Variants in NLRP11 observed in about 807,000 individuals in gnomAD.
NLRP11 encodes NACHT, LRR and PYD domains-containing protein 11.
A neutral mutation model predicts 79.3 loss-of-function variants in NLRP11; 53 were observed. That is an observed-to-expected ratio of 0.67 (90% CI 0.54 to 0.84). The LOEUF (loss-of-function observed/expected upper bound fraction) is 0.84, where lower values mean the gene tolerates loss of function less well. Among genes scored for constraint, NLRP11 ranks in the 40% least tolerant of loss-of-function variants. The pLI is 0.00. For synonymous variants in NLRP11, 518 were observed against 462.6 expected, an observed-to-expected ratio of 1.12 and a Z score of -1.54; for missense variants, 1,264 against 1,255.0, an observed-to-expected ratio of 1.01 and a Z score of -0.11.
intron 4 of NLRP11, among the ~76,000 whole-genome samples, chr19:55,807,435 T>C (rs1980106324): frequency 6.6e-6 from 1 of 152,158 alleles, no homozygotes; most frequent in Admixed American, 6.5e-5. Flanking sequence ...ACCCACTTGT[T>C]ACTATTTCTT....
intron 1 of NLRP11, among the ~76,000 whole-genome samples, chr19:55,822,873 CA>C (rs1268126349): frequency 6.6e-6 from 1 of 152,204 alleles, no homozygotes; most frequent in Non-Finnish European, 1.5e-5. Context: ...ATTAGGTAAA[CA>C]AAGCAGCCAG....
At chr19:55,801,761 G>A in intron 4 of NLRP11, 22 bp from the exon 5 acceptor site, 2 of 1,609,954 alleles carry the variant, frequency 1.2e-6, no homozygotes, top group Non-Finnish European at 1.7e-6. Context: ...ATAATAGCAG[G>A]AAAGCACTAG....
chr19:55,817,760 T>C, intron 2 of NLRP11, 144 bp downstream of exon 2: 1 of 640,636 alleles, frequency 1.6e-6, no homozygotes, highest in South Asian at 2.1e-5. Flanking sequence ...GTTTTAGAAA[T>C]CACCACTAAA....
upstream of NLRP11, among the ~76,000 whole-genome samples, chr19:55,834,742 G>A (rs1983084391): frequency 6.6e-6 from 1 of 152,132 alleles, no homozygotes. Context: ...ATTAAATGGT[G>A]ACCTAGTCAT....
intron 4 of NLRP11, among the ~76,000 whole-genome samples, chr19:55,802,952 T>C (rs1449595405): frequency 1.3e-5 from 2 of 152,208 alleles, no homozygotes; most frequent in Non-Finnish European, 2.9e-5. Context: ...CTGGGGTAAC[T>C]GGCTAGTCAT....
chr19:55,833,841 C>A (rs1230324361), upstream of NLRP11, among the ~76,000 whole-genome samples: 2 of 149,692 alleles, frequency 1.3e-5, no homozygotes, highest in African/African-American at 4.9e-5. Context: ...AACATAGAAC[C>A]CAGAAACCAA....
At chr19:55,785,791 A>G (rs919332181) in exon 10 of NLRP11, 53 of 1,614,040 alleles carry the variant, frequency 3.3e-5, no homozygotes, top group Non-Finnish European at 4.2e-5. Flanking sequence ...AGTTTCAGAC[A>G]GAAAGATCAA....
rs1051005081 is a variant in NLRP11 at position 55,792,529 on chromosome 19, G to A, written c.2343-58C>T. 4 of 1,438,524 alleles carry A rather than the reference G, an allele frequency of 2.8e-6. No homozygotes were observed. The African/African-American group carries it at 4.2e-5, about 15-fold the overall frequency. The allele number at this position is 1,438,524 out of a possible 1,614,324, so 89.1% of individuals were successfully genotyped here. A position where few individuals can be genotyped will look rare whatever the true frequency, so the allele number is the denominator to read the frequency against. ...GTGAGCACCAGAGAGGGGAGCACCTGAGACCACCCACCCCACGCCCACGGG... is the reference window on the plus strand; with the variant it reads ...GTGAGCACCAGAGAGGGGAGCACCTAAGACCACCCACCCCACGCCCACGGG... On this transcript the variant is annotated intron_variant, in intron 6 of 9. Transcript: ENST00000589093.
intron 4 of NLRP11, among the ~76,000 whole-genome samples, chr19:55,804,995 G>A (rs906164382): frequency 5.4e-5 from 6 of 110,742 alleles, no homozygotes; most frequent in African/African-American, 2.2e-4. Context: ...CCCTGCAGGT[G>A]GAGGTTGCAG....
At chr19:55,807,231 T>C (rs566527148) in intron 4 of NLRP11, among the ~76,000 whole-genome samples, 4 of 152,254 alleles carry the variant, frequency 2.6e-5, no homozygotes, top group African/African-American at 9.6e-5. Flanking sequence ...AATCCTAAGA[T>C]CATATATGTT....
At chr19:55,798,466 A>C in intron 5 of NLRP11, 1 of 274,940 alleles carries the variant, frequency 3.6e-6, no homozygotes, top group Non-Finnish European at 5.5e-6. Context: ...TGATGAGAAC[A>C]CATGGACACA....
chr19:55,793,659 C>T (rs925727818), intron 6 of NLRP11, among the ~76,000 whole-genome samples: 5 of 149,916 alleles, frequency 3.3e-5, no homozygotes, highest in Non-Finnish European at 7.4e-5. Context: ...GTACACTAGA[C>T]CAGAGGCTGG....
Position 55,824,047 on chromosome 19 carries a change from A to G in NLRP11, c.-62-5811T>C, listed in dbSNP as rs986843302. Among the ~76,000 whole-genome samples, 16 of 107,620 alleles carry G rather than the reference A, an allele frequency of 1.5e-4. 1 individual carries two copies. Among genetic ancestry groups the G allele is most frequent in the African/African-American group, 6.7e-4 (13 of 19,462 alleles). The allele number at this position is 107,620 out of a possible 152,430, so 70.6% of individuals were successfully genotyped here. Reference sequence around the variant, plus strand: ...GGTTACCCTCAAAGGGAAGCCCATCAGACTAACAGCAGATCTCTCGGCAGA... The same window carrying G: ...GGTTACCCTCAAAGGGAAGCCCATCGGACTAACAGCAGATCTCTCGGCAGA... On this transcript the variant is annotated intron_variant, in intron 1 of 9. Transcript: ENST00000589093.
At chr19:55,832,234 G>A (rs1212505053), upstream of NLRP11, 1 of 152,172 alleles carries the variant, frequency 6.6e-6, no homozygotes, top group Non-Finnish European at 1.5e-5. Flanking sequence ...GAGCTCATGG[G>A]GCATCTGACC....
chr19:55,812,999 A>C (rs2122842468), intron 2 of NLRP11, among the ~76,000 whole-genome samples: 1 of 152,242 alleles, frequency 6.6e-6, no homozygotes, highest in South Asian at 2.1e-4. Context: ...GATAAAGTCC[A>C]CTGAAGGTCA....
At chr19:55,787,249 G>A (rs1989934410) in intron 9 of NLRP11, among the ~76,000 whole-genome samples, 1 of 152,240 alleles carries the variant, frequency 6.6e-6, no homozygotes, top group Admixed American at 6.5e-5. Flanking sequence ...AATGGAAGCT[G>A]ATAGGCAGCT....
upstream of NLRP11, among the ~76,000 whole-genome samples, chr19:55,835,096 T>C (rs1983121441): frequency 6.6e-6 from 1 of 152,190 alleles, no homozygotes; most frequent in South Asian, 2.1e-4. Flanking sequence ...ACTTGTGTTA[T>C]GGTTACAGTA....
chr19:55,803,030 G>A (rs935777441), intron 4 of NLRP11, among the ~76,000 whole-genome samples: 2 of 152,112 alleles, frequency 1.3e-5, no homozygotes, highest in African/African-American at 4.8e-5. Context: ...ATGGATTACA[G>A]ACAAAATGAA....
At chr19:55,829,184 G>A (rs927214618) in intron 1 of NLRP11, among the ~76,000 whole-genome samples, 1 of 138,454 alleles carries the variant, frequency 7.2e-6, no homozygotes, top group Admixed American at 7.4e-5. Flanking sequence ...ACATACACAC[G>A]CTGACACAAT....
Sources: gnomAD v4.1 joint callset for allele counts (sites outside exome capture counted in the v4.1 genomes callset) on GRCh38, gnomAD v4.1.1 for gene constraint, MANE v1.5 for transcripts, NCBI Gene and HGNC (gene_info 2026-07-23, HGNC 2026-07-21) for gene names.